Variants in SHTN1 observed in about 807,000 individuals in gnomAD.
SHTN1 encodes the protein shootin 1.
In SHTN1, 42 loss-of-function variants were observed where a neutral mutation model predicts 83.1. The observed-to-expected ratio is 0.51, with a 90% CI of 0.39 to 0.65. SHTN1 has a LOEUF of 0.65. Among genes scored for constraint, SHTN1 ranks in the 30% least tolerant of loss-of-function variants. The pLI is 0.00. For synonymous variants in SHTN1, 224 were observed against 247.7 expected (o/e 0.90, Z 0.90); for missense variants, 622 against 737.8 (o/e 0.84, Z 1.82).
rs146185777 is a variant in SHTN1, at chr10:116,920,812, G to A, written c.1195+622C>T. Reference sequence around the variant, plus strand: ...TGCCAAGTTCCTTCCTGGACACTTTGGACCTTTGAATCCACTGCTCCTCTA... The same window carrying A: ...TGCCAAGTTCCTTCCTGGACACTTTAGACCTTTGAATCCACTGCTCCTCTA... On this transcript the variant is annotated intron_variant, in intron 12 of 16. Coordinates refer to ENST00000355371, the MANE Select transcript of SHTN1 (RefSeq NM_001127211.3). Among the ~76,000 whole-genome samples the A allele has an allele frequency of 6.6e-5, 10 of 151,964 alleles. No individual in the cohort carries two copies. The East Asian group carries it at 1.9e-3, about 30-fold the overall frequency.
intron 13 of SHTN1, among the ~76,000 whole-genome samples, chr10:116,915,138 TCTCTCGTAATGAGACA>T (rs2133354314): frequency 6.6e-6 from 1 of 152,286 alleles, no homozygotes; most frequent in South Asian, 2.1e-4. Context: ...CGTATCACTG[TCTCTCGTAATGAGACA>T]ACAGCACCCC....
At chr10:116,898,407 A>T (rs758646843) in intron 16 of SHTN1, among the ~76,000 whole-genome samples, 13 of 152,028 alleles carry the variant, frequency 8.6e-5, no homozygotes, top group Non-Finnish European at 1.6e-4. Flanking sequence ...TGAATAAAAT[A>T]TCTTACTATA....
rs1243233263 is a variant in SHTN1, at chr10:116,883,088, CTAAAT to C, written c.*3251_*3255del. On this transcript the variant is annotated 3_prime_UTR_variant, in exon 17 of 17. Coordinates refer to ENST00000355371, the MANE Select transcript of SHTN1 (RefSeq NM_001127211.3). ...AAATGTACAATGAATAACAAAATAACTAAATTAAATTAACCAAAGAGGTGATTTAT... is the reference window on the plus strand; with the variant it reads ...AAATGTACAATGAATAACAAAATAACTAAATTAACCAAAGAGGTGATTTAT... 5.3e-5 allele frequency: 8 copies of C among 151,670 alleles called. No homozygotes were observed. Among genetic ancestry groups the C allele is most frequent in the South Asian group, 2.1e-4 (1 of 4,818 alleles). The allele number at this position is 151,670 out of a possible 1,614,324, so 9.4% of individuals were successfully genotyped here. A position where few individuals can be genotyped will look rare whatever the true frequency, so the allele number is the denominator to read the frequency against.
At chr10:117,114,023 G>A (rs998474795) in intron 1 of SHTN1, among the ~76,000 whole-genome samples, 1 of 152,162 alleles carries the variant, frequency 6.6e-6, no homozygotes, top group African/African-American at 2.4e-5. Flanking sequence ...CTGCAGCATG[G>A]ACGACAGAGC....
intron 15 of SHTN1, among the ~76,000 whole-genome samples, chr10:116,902,995 T>C (rs1010310721): frequency 3.9e-5 from 6 of 152,208 alleles, no homozygotes; most frequent in African/African-American, 1.2e-4. Context: ...CTCAGTATAA[T>C]AGCGTAACAT....
intron 2 of SHTN1, among the ~76,000 whole-genome samples, chr10:117,019,951 T>TTA: frequency 6.6e-6 from 1 of 152,222 alleles, no homozygotes; most frequent in Admixed American, 6.5e-5. Flanking sequence ...GAAGACTTAA[T>TTA]ATAGTTCAAA....
At chr10:116,898,129 A>AGG (rs1847586948) in intron 16 of SHTN1, among the ~76,000 whole-genome samples, 1 of 152,088 alleles carries the variant, frequency 6.6e-6, no homozygotes, top group East Asian at 1.9e-4. Flanking sequence ...GGAGTTCAAG[A>AGG]CCAGCCTGAC....
chr10:117,107,557 C>G (rs1395214678), intron 1 of SHTN1, among the ~76,000 whole-genome samples: 1 of 152,148 alleles, frequency 6.6e-6, no homozygotes, highest in Non-Finnish European at 1.5e-5. Flanking sequence ...GTACAATTAT[C>G]CAATTCACTC....
intron 1 of SHTN1, among the ~76,000 whole-genome samples, chr10:117,078,071 A>G (rs1853187824): frequency 6.6e-6 from 1 of 152,230 alleles, no homozygotes; most frequent in Non-Finnish European, 1.5e-5. Flanking sequence ...CTGAAAAATT[A>G]AAGTTTAGCA....
intron 14 of SHTN1, among the ~76,000 whole-genome samples, chr10:116,909,878 T>C (rs932095055): frequency 6.6e-6 from 1 of 152,168 alleles, no homozygotes; most frequent in African/African-American, 2.4e-5. Context: ...ACAGTGTTTT[T>C]TGGTTTCTTG....
At chr10:116,958,169 C>A (rs572189183) in intron 4 of SHTN1, among the ~76,000 whole-genome samples, 9 of 152,092 alleles carry the variant, frequency 5.9e-5, no homozygotes, top group African/African-American at 2.2e-4. Context: ...TTTATAGAAA[C>A]TTTGCTCTCA....
At chr10:117,025,600 A>G (rs1852323379) in intron 2 of SHTN1, among the ~76,000 whole-genome samples, 1 of 151,970 alleles carries the variant, frequency 6.6e-6, no homozygotes, top group Non-Finnish European at 1.5e-5. Context: ...TGTCAGCATC[A>G]CCCTTCCCCT....
chr10:117,064,673 A>G (rs1318672342), intron 1 of SHTN1, among the ~76,000 whole-genome samples: 1 of 151,920 alleles, frequency 6.6e-6, no homozygotes, highest in Non-Finnish European at 1.5e-5. Flanking sequence ...AAAAAAAGAA[A>G]TGTACTTTCA....
At chr10:117,098,576 C>CCA (rs1315653498) in intron 1 of SHTN1, among the ~76,000 whole-genome samples, 1 of 152,020 alleles carries the variant, frequency 6.6e-6, no homozygotes, top group Admixed American at 6.6e-5. Flanking sequence ...TTAACGCTTC[C>CCA]CACTGCATGT....
chr10:116,949,275 T>C (rs927740805), intron 6 of SHTN1, among the ~76,000 whole-genome samples: 2 of 152,096 alleles, frequency 1.3e-5, no homozygotes, highest in Non-Finnish European at 2.9e-5. Flanking sequence ...CCAATGTATA[T>C]GATACATATT....
intron 2 of SHTN1, among the ~76,000 whole-genome samples, chr10:116,977,415 TATC>T (rs1483468782): frequency 6.6e-6 from 1 of 152,182 alleles, no homozygotes; most frequent in Non-Finnish European, 1.5e-5. Context: ...CAGGGACTGA[TATC>T]ATCTCAGTCT....
At chr10:116,958,662 G>A (rs185486533) in intron 4 of SHTN1, among the ~76,000 whole-genome samples, 1 of 129,238 alleles carries the variant, frequency 7.7e-6, no homozygotes, top group Admixed American at 8.4e-5. Flanking sequence ...GCTCAGAGAG[G>A]TGAGTTCTCT....
intron 9 of SHTN1, among the ~76,000 whole-genome samples, chr10:116,940,241 A>G (rs1261784712): frequency 6.6e-6 from 1 of 152,226 alleles, no homozygotes; most frequent in African/African-American, 2.4e-5. Context: ...GACAGTTTAA[A>G]GATTATTATA....
chr10:117,123,633 G>A (rs367772227), intron 1 of SHTN1, among the ~76,000 whole-genome samples: 26 of 152,030 alleles, frequency 1.7e-4, no homozygotes, highest in Non-Finnish European at 2.8e-4. Flanking sequence ...GGCCAGGCAC[G>A]GTGGCTCACG....
Sources: allele counts gnomAD v4.1 joint callset (sites outside exome capture counted in the v4.1 genomes callset), GRCh38; gene constraint gnomAD v4.1.1; transcripts MANE v1.5; gene names NCBI Gene and HGNC (gene_info 2026-07-23, HGNC 2026-07-21).